SPATA16: variants seen among roughly 807,000 people sequenced by gnomAD.
SPATA16 encodes spermatogenesis associated 16, also known as spermatogenesis-associated protein 16.
Under a neutral mutation model 63.3 loss-of-function variants are expected in SPATA16, and 36 were observed. The ratio of observed to expected loss-of-function variants is 0.57; its 90% CI spans 0.44 to 0.75. The LOEUF (loss-of-function observed/expected upper bound fraction) is 0.75. Among genes scored for constraint, SPATA16 ranks in the 30% least tolerant of loss-of-function variants. The pLI is 0.00. For synonymous variants in SPATA16, 203 were observed against 216.7 expected (o/e 0.94, Z 0.56); for missense variants, 646 against 679.3 (o/e 0.95, Z 0.54).
chr3:173,060,274 GCCAAAGA>G (rs1736347836), intron 2 of SPATA16, among the ~76,000 whole-genome samples: 1 of 151,996 alleles, frequency 6.6e-6, no homozygotes, highest in Non-Finnish European at 1.5e-5. Flanking sequence ...AAGAAACAAA[GCCAAAGA>G]TGGAGACGTG....
chr3:172,936,122 C>A (rs1192992115), intron 6 of SPATA16, among the ~76,000 whole-genome samples: 1 of 152,074 alleles, frequency 6.6e-6, no homozygotes, highest in African/African-American at 2.4e-5. Context: ...CTCCTAAGAC[C>A]TTTAGAATTA....
At chr3:172,923,515 C>T (rs1283162157) in intron 8 of SPATA16, among the ~76,000 whole-genome samples, 1 of 152,100 alleles carries the variant, frequency 6.6e-6, no homozygotes, top group East Asian at 1.9e-4. Context: ...TTTAAAATTT[C>T]CAACTTACAA....
At chr3:173,043,616 T>C (rs1297375495) in intron 3 of SPATA16, among the ~76,000 whole-genome samples, 1 of 152,022 alleles carries the variant, frequency 6.6e-6, no homozygotes, top group Non-Finnish European at 1.5e-5. Context: ...GGTACTTTTA[T>C]ATTTACCATT....
At chr3:172,961,020 C>CTTTCTT (rs1338344433) in intron 5 of SPATA16, among the ~76,000 whole-genome samples, 45 of 43,262 alleles carry the variant, frequency 1.0e-3, no homozygotes, top group Non-Finnish European at 2.3e-3. Flanking sequence ...CTTTCTTTTT[C>CTTTCTT]TCTCTTTCTC....
At chr3:172,900,502 C>T (rs144054531) in intron 10 of SPATA16, among the ~76,000 whole-genome samples, 2 of 152,116 alleles carry the variant, frequency 1.3e-5, no homozygotes, top group African/African-American at 4.8e-5. Context: ...CTTTTTTCAT[C>T]CTGCCCACTC....
intron 2 of SPATA16, among the ~76,000 whole-genome samples, chr3:173,104,297 T>A (rs1156556442): frequency 6.6e-6 from 1 of 152,246 alleles, no homozygotes; most frequent in Non-Finnish European, 1.5e-5. Flanking sequence ...GGTTCCAAAG[T>A]CGCTTCCACA....
At chr3:173,118,377 C>G (rs79453523) in intron 1 of SPATA16, among the ~76,000 whole-genome samples, 18,994 of 152,186 alleles carry the variant, frequency 0.12, 1,402 homozygotes, top group East Asian at 0.32. Context: ...ATAGACTTAT[C>G]TTTAGTCTAC....
intron 2 of SPATA16, among the ~76,000 whole-genome samples, chr3:173,092,325 A>G (rs1430255171): frequency 1.3e-5 from 2 of 152,210 alleles, no homozygotes; most frequent in Non-Finnish European, 2.9e-5. Context: ...AGTGTTCTGC[A>G]TTAGCCAGAG....
intron 4 of SPATA16, among the ~76,000 whole-genome samples, chr3:173,009,384 TG>T (rs1395545509): frequency 6.6e-6 from 1 of 152,160 alleles, no homozygotes; most frequent in Non-Finnish European, 1.5e-5. Context: ...TAAGAGCTCC[TG>T]GGGGATCCAC....
chr3:173,116,300 G>A, intron 2 of SPATA16, among the ~76,000 whole-genome samples: 1 of 152,218 alleles, frequency 6.6e-6, no homozygotes, highest in African/African-American at 2.4e-5. Flanking sequence ...CCAGTGCCCA[G>A]CAGGCATATA....
chr3:173,139,775 C>A (rs1206338714), intron 1 of SPATA16, among the ~76,000 whole-genome samples: 1 of 152,202 alleles, frequency 6.6e-6, no homozygotes. Flanking sequence ...CACTGGAGGT[C>A]AGGACTTTGA....
At chr3:172,922,411 C>T (rs1732632545) in intron 8 of SPATA16, among the ~76,000 whole-genome samples, 1 of 152,186 alleles carries the variant, frequency 6.6e-6, no homozygotes. Context: ...GTTTTAAAGT[C>T]TCCTTTATAG....
At chr3:173,136,773 C>A (rs1429666157) in intron 1 of SPATA16, among the ~76,000 whole-genome samples, 2 of 152,142 alleles carry the variant, frequency 1.3e-5, no homozygotes, top group African/African-American at 4.8e-5. Flanking sequence ...ACCGCAGGCT[C>A]AGCCTTACCT....
chr3:173,034,018 G>C (rs924043862), intron 3 of SPATA16, among the ~76,000 whole-genome samples: 3 of 152,030 alleles, frequency 2.0e-5, no homozygotes, highest in African/African-American at 7.2e-5. Flanking sequence ...ATGTATTTTA[G>C]AATGATTACT....
At chr3:173,118,278 T>G (rs560101148) in intron 1 of SPATA16, among the ~76,000 whole-genome samples, 1 of 152,268 alleles carries the variant, frequency 6.6e-6, no homozygotes, top group East Asian at 1.9e-4. Context: ...AATGAAAATC[T>G]CAAGTTTAAA....
At chr3:172,900,311 A>G (rs1374884022) in intron 10 of SPATA16, among the ~76,000 whole-genome samples, 2 of 152,174 alleles carry the variant, frequency 1.3e-5, no homozygotes, top group Non-Finnish European at 2.9e-5. Flanking sequence ...TAGATAATGC[A>G]TCATTTCCCT....
chr3:173,079,729 C>G (rs976897628), intron 2 of SPATA16, among the ~76,000 whole-genome samples: 1 of 152,142 alleles, frequency 6.6e-6, no homozygotes, highest in Non-Finnish European at 1.5e-5. Context: ...TAAAATCACT[C>G]TAATTTTCTT....
intron 2 of SPATA16, among the ~76,000 whole-genome samples, chr3:173,115,278 C>T (rs1008994731): frequency 2.0e-5 from 3 of 152,160 alleles, no homozygotes; most frequent in Non-Finnish European, 4.4e-5. Context: ...GAAGCTTTTA[C>T]AGTAGCTAAG....
chr3:173,069,107 C>G (rs1235587618), intron 2 of SPATA16, among the ~76,000 whole-genome samples: 1 of 95,022 alleles, frequency 1.1e-5, no homozygotes, highest in Non-Finnish European at 1.9e-5. Context: ...GAGACTCCGT[C>G]TCAAGAAAAA....
Sources: allele counts gnomAD v4.1 joint callset (sites outside exome capture counted in the v4.1 genomes callset), GRCh38; gene constraint gnomAD v4.1.1; transcripts MANE v1.5; gene names NCBI Gene and HGNC (gene_info 2026-07-23, HGNC 2026-07-21).